The following SDK2 variants were observed in gnomAD, a reference collection of about 807,000 sequenced individuals.
SDK2 encodes the protein sidekick cell adhesion molecule 2, also known as protein sidekick-2.
Under a neutral mutation model 253.9 loss-of-function variants are expected in SDK2, and 105 were observed. The observed-to-expected ratio is 0.41, with a 90% CI of 0.35 to 0.49. The LOEUF is 0.49. Ranked by LOEUF, SDK2 falls within the 20% of genes least tolerant of loss-of-function variation. The pLI, the probability that SDK2 is intolerant of heterozygous loss-of-function variation, is 0.06. For missense variants in SDK2, 2,608 were observed against 3,003.0 expected (o/e 0.87, Z 3.07); for synonymous variants, 1,249 against 1,234.9 (o/e 1.01, Z -0.24).
At chr17:73,498,040 C>T (rs1394220409) in intron 2 of SDK2, among the ~76,000 whole-genome samples, 1 of 152,172 alleles carries the variant, frequency 6.6e-6, no homozygotes, top group African/African-American at 2.4e-5. Context: ...ACCTTACTTT[C>T]CCTTGAAAGC....
intron 5 of SDK2, among the ~76,000 whole-genome samples, chr17:73,444,505 C>CG (rs2063438129): frequency 6.6e-6 from 1 of 152,140 alleles, no homozygotes; most frequent in African/African-American, 2.4e-5. Flanking sequence ...GCTCCCCACA[C>CG]GGGGGGCCTC....
chr17:73,552,645 T>C (rs2045080119), intron 1 of SDK2, among the ~76,000 whole-genome samples: 1 of 152,140 alleles, frequency 6.6e-6, no homozygotes. Flanking sequence ...AACTGAGGCA[T>C]AAATGGGTTA....
At chr17:73,516,238 C>T (rs575154839) in intron 1 of SDK2, among the ~76,000 whole-genome samples, 8 of 152,334 alleles carry the variant, frequency 5.3e-5, no homozygotes, top group Non-Finnish European at 7.4e-5. Flanking sequence ...GGGTTGCAAA[C>T]GCCTGCGTGG....
chr17:73,384,100 G>C, intron 32 of SDK2, 89 bp from the exon 33 acceptor site: 1 of 1,390,838 alleles, frequency 7.2e-7, no homozygotes. Context: ...TGCAGCCACA[G>C]AGCAGGGACT....
At chr17:73,527,905 C>T (rs764937808) in intron 1 of SDK2, among the ~76,000 whole-genome samples, 5 of 151,858 alleles carry the variant, frequency 3.3e-5, no homozygotes, top group African/African-American at 4.8e-5. Context: ...CTGGTGCTGA[C>T]GATGGGGGTG....
In SDK2 at chr17:73,348,613, T is replaced by C; in HGVS notation, c.6151A>G (p.Ile2051Val). ...CCTGCCCTCACCTGAGAGTCGGAGA[T>C]TTCTGAGGGCTTCTCCGTCAGGCTG... is the stretch of plus-strand genomic sequence containing the variant. ...SSSLTEKPSE[I>V]SDSQGSDSEY... The change falls in exon 44 of 45, where the codon ATC (isoleucine) becomes GTC (valine). Residue 2051 changes from isoleucine (I) to valine (V), a missense_variant. By Grantham distance (29) the Ile-to-Val change is conservative. Around this residue, in one of 2 missense-constraint regions of SDK2, gnomAD observed 1,103 missense variants for 1,143.9 expected, o/e 0.96. Coordinates refer to ENST00000392650, the MANE Select transcript of SDK2 (RefSeq NM_001144952.2). 2 of 1,612,764 alleles carry C rather than the reference T, an allele frequency of 1.2e-6. No homozygotes were observed. The highest frequency in any genetic ancestry group is 1.7e-6 in the Non-Finnish European group (2 of 1,179,628).
chr17:73,626,470 G>C (rs968455790), intron 1 of SDK2, among the ~76,000 whole-genome samples: 3 of 152,200 alleles, frequency 2.0e-5, no homozygotes, highest in Non-Finnish European at 4.4e-5. Flanking sequence ...TTTTGGGTTG[G>C]CCAAAGGAGA....
chr17:73,492,404 G>T (rs2063811831), intron 2 of SDK2, among the ~76,000 whole-genome samples: 1 of 152,070 alleles, frequency 6.6e-6, no homozygotes, highest in Admixed American at 6.5e-5. Context: ...ATGTGCTGTG[G>T]GTTGGCCTCC....
At chr17:73,507,743 C>A in intron 1 of SDK2, 146 bp from the exon 2 acceptor site, 1 of 829,894 alleles carries the variant, frequency 1.2e-6, no homozygotes, top group Non-Finnish European at 1.8e-6. Context: ...GGGACTTGAA[C>A]CTGGGTCAGT....
intron 44 of SDK2, among the ~76,000 whole-genome samples, chr17:73,346,302 G>A (rs980986849): frequency 8.5e-5 from 13 of 152,134 alleles, no homozygotes; most frequent in African/African-American, 2.9e-4. Flanking sequence ...CACTTGAAGA[G>A]GCTGTCCATG....
intron 40 of SDK2, among the ~76,000 whole-genome samples, chr17:73,356,629 C>A (rs563179940): frequency 6.6e-6 from 1 of 152,144 alleles, no homozygotes; most frequent in Non-Finnish European, 1.5e-5. Context: ...AGATGCTCAC[C>A]CCATAACAGC....
At chr17:73,636,923 G>A (rs948683323) in intron 1 of SDK2, among the ~76,000 whole-genome samples, 9 of 152,104 alleles carry the variant, frequency 5.9e-5, no homozygotes, top group African/African-American at 1.9e-4. Flanking sequence ...TCTCATTTAA[G>A]CCTTGGAAGG....
chr17:73,490,771 C>G (rs1312324371), intron 2 of SDK2, among the ~76,000 whole-genome samples: 2 of 151,874 alleles, frequency 1.3e-5, no homozygotes, highest in African/African-American at 4.8e-5. Flanking sequence ...AGTGATCCAC[C>G]ACCCCTTGGC....
At chr17:73,372,465 G>A (rs1017385071) in intron 36 of SDK2, among the ~76,000 whole-genome samples, 14 of 152,286 alleles carry the variant, frequency 9.2e-5, no homozygotes, top group Non-Finnish European at 1.8e-4. Context: ...TGCCTTATGT[G>A]GACAGGGGCA....
rs769788820 is a variant in SDK2 at position 73,438,151 on chromosome 17, G to C, written c.729C>G (p.Pro243=). The part of the protein sequence containing the change: ...VTLECVANAR[P]LIKLHIIWKK... ...TCCAAATGATATGTAGCTTGATCAGGGGCCTGCAGAGGGCAAGGGAAGGCC... is the reference window on the plus strand; with the variant it reads ...TCCAAATGATATGTAGCTTGATCAGCGGCCTGCAGAGGGCAAGGGAAGGCC... The change falls in exon 7 of 45, where the codon CCC becomes CCG. Residue 243 remains proline (P), a synonymous_variant. Coordinates refer to ENST00000392650, the MANE Select transcript of SDK2 (RefSeq NM_001144952.2). 4.0e-5 allele frequency: 62 copies of C among 1,550,372 alleles called. No homozygotes were observed. Among genetic ancestry groups the C allele is most frequent in the Non-Finnish European group, 5.3e-5 (61 of 1,146,182 alleles).
intron 1 of SDK2, among the ~76,000 whole-genome samples, chr17:73,580,919 G>GAATTTTTGAA (rs2045526069): frequency 6.6e-6 from 1 of 152,176 alleles, no homozygotes; most frequent in South Asian, 2.1e-4. Flanking sequence ...TTGAGTCAGG[G>GAATTTTTGAA]TCTTGCTCTC....
At chr17:73,589,023 C>G (rs1183807509) in intron 1 of SDK2, among the ~76,000 whole-genome samples, 1 of 152,272 alleles carries the variant, frequency 6.6e-6, no homozygotes, top group Non-Finnish European at 1.5e-5. Flanking sequence ...CGGGGTCCTC[C>G]CTGTGATGCC....
At chr17:73,382,800 A>G (rs1423137178) in intron 33 of SDK2, among the ~76,000 whole-genome samples, 1 of 152,202 alleles carries the variant, frequency 6.6e-6, no homozygotes, top group East Asian at 1.9e-4. Flanking sequence ...TCAGGAGTTC[A>G]AGAGCAGCCT....
At chr17:73,432,419 G>C (rs577966696) in intron 10 of SDK2, among the ~76,000 whole-genome samples, 1 of 152,258 alleles carries the variant, frequency 6.6e-6, no homozygotes, top group East Asian at 1.9e-4. Context: ...TTGTACATGC[G>C]TGCAGGCACA....
Sources: allele counts gnomAD v4.1 joint callset (sites outside exome capture counted in the v4.1 genomes callset), GRCh38; gene constraint gnomAD v4.1.1; regional missense constraint gnomAD v4.1.1; transcripts MANE v1.5; gene names NCBI Gene and HGNC (gene_info 2026-07-23, HGNC 2026-07-21).